The following TDRKH variants were observed in gnomAD, a reference collection of about 807,000 sequenced individuals.
TDRKH encodes the protein tudor and KH domain containing, also known as tudor and KH domain-containing protein.
A neutral mutation model predicts 61.3 loss-of-function variants in TDRKH; 28 were observed. That is an observed-to-expected ratio of 0.46 (90% CI 0.34 to 0.63). The LOEUF is 0.63. Among genes scored for constraint, TDRKH ranks in the 20% least tolerant of loss-of-function variants. The probability of loss-of-function intolerance (pLI) is 0.01; values close to 1 mark genes in which losing one functional copy is unlikely to be tolerated. For missense variants in TDRKH, 540 were observed against 683.4 expected (o/e 0.79, Z 2.34); for synonymous variants, 219 against 244.4 (o/e 0.90, Z 0.97).
rs1264262247 is a variant in TDRKH at position 151,781,695 on chromosome 1, T to G, written c.125-108A>C. 65 of 900,194 alleles carry G rather than the reference T, an allele frequency of 7.2e-5. No individual in the cohort carries two copies. The Admixed American group carries it at 1.5e-3, about 21-fold the overall frequency. 55.8% of individuals were successfully genotyped at this position (900,194 alleles called of 1,614,324 possible). ...GTCAAAGAGACACTGATCCAAGAGA[T>G]AAAGTGAGGATCTCAACCATAACAA... is the stretch of plus-strand genomic sequence containing the variant. On this transcript the variant is annotated intron_variant, in intron 2 of 12. Transcript: ENST00000368824.
intron 2 of TDRKH, among the ~76,000 whole-genome samples, chr1:151,782,396 G>A (rs767955538): frequency 2.0e-5 from 3 of 152,002 alleles, no homozygotes; most frequent in Non-Finnish European, 4.4e-5. Flanking sequence ...GCAGTGAGCC[G>A]AGATTGCTCC....
chr1:151,775,389 T>C lies in TDRKH; in HGVS notation c.1434+3A>G, dbSNP rs1649062317. The C allele has an allele frequency of 6.2e-7, 1 of 1,609,202 alleles. No homozygotes were observed. Among genetic ancestry groups the C allele is most frequent in the Non-Finnish European group, 8.5e-7 (1 of 1,178,322 alleles). ...GCAAGCAGTGAGTGAATGCCAGTCT[T>C]ACCTTCCCATTGCTAGTATCATATA... On this transcript the variant is annotated splice_donor_region_variant and intron_variant, in intron 10 of 12. Coordinates refer to ENST00000368824, the MANE Select transcript of TDRKH (RefSeq NM_001083965.2).
chr1:151,771,711 C>T (rs867926332), downstream of TDRKH: 8 of 386,896 alleles, frequency 2.1e-5, no homozygotes, highest in Middle Eastern at 6.4e-4. Flanking sequence ...GCATTCCAGG[C>T]AGCAGGAAAA....
In TDRKH at chr1:151,776,243, C is replaced by T. The variant is rs1413951427; in HGVS notation, c.1070G>A (p.Gly357Glu). Reference sequence around the variant, plus strand: ...AGGTAAAGGTGCTGCTACAATGTCTCCTACATGCACAGTCAAGTCTTCAGG... The same window carrying T: ...AGGTAAAGGTGCTGCTACAATGTCTTCTACATGCACAGTCAAGTCTTCAGG... ...SVPEDLTVHVGDIVAAPLPTN... is the reference protein window; with the variant it reads ...SVPEDLTVHVEDIVAAPLPTN... Residue 357 changes from glycine (G) to glutamate (E), a missense_variant, in exon 8 of 13, where the codon GGA becomes GAA. By Grantham distance (98) the Gly-to-Glu change is moderately conservative (BLOSUM62 -2). Around this residue, in one of 3 missense-constraint regions of TDRKH, gnomAD observed 379 missense variants for 443.8 expected, o/e 0.85. Transcript: ENST00000368824. 6.2e-6 allele frequency: 10 copies of T among 1,614,064 alleles called. No homozygotes were observed. The highest frequency in any genetic ancestry group is 8.5e-6 in the Non-Finnish European group (10 of 1,179,974).
chr1:151,776,828 CTACA>C (rs1649229502), intron 6 of TDRKH, among the ~76,000 whole-genome samples: 1 of 152,198 alleles, frequency 6.6e-6, no homozygotes, highest in East Asian at 1.9e-4. Flanking sequence ...TTGTCATGTG[CTACA>C]TAGTCAAATC....
intron 2 of TDRKH, chr1:151,782,074 C>A: frequency 2.3e-6 from 1 of 435,182 alleles, no homozygotes; most frequent in Non-Finnish European, 4.5e-6. Context: ...TAAAAAAGAA[C>A]TCTTTGCTGT....
At chr1:151,770,585 A>G (rs1374154732), downstream of TDRKH, 2 of 292,526 alleles carry the variant, frequency 6.8e-6, no homozygotes, top group African/African-American at 4.5e-5. Flanking sequence ...AGGGTCAGAC[A>G]TAAGGCCAAG....
At chr1:151,777,957 T>C (rs6679233) in intron 6 of TDRKH, among the ~76,000 whole-genome samples, 48,359 of 151,968 alleles carry the variant, frequency 0.32, 8,065 homozygotes, top group Middle Eastern at 0.46. Flanking sequence ...CAATTACCAT[T>C]TGAAGTACTT....
At chr1:151,783,749 A>AT (rs1423761415) in intron 1 of TDRKH, 1 of 152,214 alleles carries the variant, frequency 6.6e-6, no homozygotes, top group East Asian at 1.9e-4. Context: ...TGGGCTTCTC[A>AT]TCCTGTGCCA....
At chr1:151,771,864 GGTAGGAA>G, downstream of TDRKH, 1 of 398,414 alleles carries the variant, frequency 2.5e-6, no homozygotes, top group Non-Finnish European at 4.4e-6. Context: ...CATTTTCCAG[GGTAGGAA>G]GTCTTATGAA....
intron 1 of TDRKH, among the ~76,000 whole-genome samples, chr1:151,787,782 G>T (rs866082774): frequency 5.2e-5 from 7 of 135,762 alleles, no homozygotes; most frequent in Admixed American, 8.1e-5. Flanking sequence ...GACTAGCCTG[G>T]GCAACATAGT....
At chr1:151,783,243 C>T (rs142803765) in intron 1 of TDRKH, 194 bp from the exon 2 acceptor site, 3 of 352,512 alleles carry the variant, frequency 8.5e-6, no homozygotes, top group East Asian at 5.8e-5. Flanking sequence ...CTAAGGTACA[C>T]ATAGAATTAA....
chr1:151,782,727 G>A, intron 2 of TDRKH, 172 bp downstream of exon 2: 1 of 684,556 alleles, frequency 1.5e-6, no homozygotes, highest in Non-Finnish European at 2.1e-6. Context: ...CCAAGATTGT[G>A]CCACTGTACG....
intron 1 of TDRKH, among the ~76,000 whole-genome samples, chr1:151,786,492 G>A (rs1289303631): frequency 6.6e-6 from 1 of 152,144 alleles, no homozygotes; most frequent in Non-Finnish European, 1.5e-5. Context: ...GTTTACGTAT[G>A]GAACTTCCCA....
In TDRKH at chr1:151,778,799, CTTTGGGTGGAG is replaced by C; in HGVS notation, c.758_768del (p.Pro253ArgfsTer19). ...ACTACCACAGCCATGTCGCCTCCTC[CTTTGGGTGGAG>C]GAGTCACCAGGGGTGCAGTCGGCTC... On this transcript the variant is annotated frameshift_variant, in exon 6 of 13. Coordinates refer to ENST00000368824, the MANE Select transcript of TDRKH (RefSeq NM_001083965.2). LOFTEE classifies it high-confidence loss of function. 1 of 1,614,208 alleles carries C rather than the reference CTTTGGGTGGAG, an allele frequency of 6.2e-7. No homozygotes were observed. Among genetic ancestry groups the C allele is most frequent in the Non-Finnish European group, 8.5e-7 (1 of 1,180,036 alleles).
chr1:151,787,614 C>T (rs377715782), intron 1 of TDRKH, among the ~76,000 whole-genome samples: 6 of 151,954 alleles, frequency 3.9e-5, no homozygotes, highest in South Asian at 2.1e-4. Flanking sequence ...GTGCTGAGCA[C>T]GTTGGGGACA....
At chr1:151,775,327 A>C (rs1649056244) in intron 10 of TDRKH, 65 bp downstream of exon 10, 1 of 1,567,896 alleles carries the variant, frequency 6.4e-7, no homozygotes, top group Non-Finnish European at 8.6e-7. Context: ...TCTGAGGAAG[A>C]AAAAGTAAAT....
At chr1:151,783,875 T>G (rs1378441117) in intron 1 of TDRKH, 3 of 152,272 alleles carry the variant, frequency 2.0e-5, no homozygotes, top group African/African-American at 7.2e-5. Context: ...ATTCAGAAGC[T>G]CAAATCTTAT....
chr1:151,768,920 C>T (rs1648475884), downstream of TDRKH, among the ~76,000 whole-genome samples: 1 of 152,240 alleles, frequency 6.6e-6, no homozygotes, highest in African/African-American at 2.4e-5. Context: ...CATCTTGCAC[C>T]GCCCTTAATC....
Sources: gnomAD v4.1 joint callset for allele counts (sites outside exome capture counted in the v4.1 genomes callset) on GRCh38, gnomAD v4.1.1 for gene constraint, gnomAD v4.1.1 regional missense constraint, MANE v1.5 for transcripts, NCBI Gene and HGNC (gene_info 2026-07-23, HGNC 2026-07-21) for gene names.